The following ANKS1B variants were observed in gnomAD, a reference collection of about 807,000 sequenced individuals.
The protein encoded by ANKS1B is ankyrin repeat and sterile alpha motif domain-containing protein 1B.
Under a neutral mutation model 148.3 loss-of-function variants are expected in ANKS1B, and 36 were observed. The ratio of observed to expected loss-of-function variants is 0.24; its 90% CI spans 0.19 to 0.32. The LOEUF is 0.32. ANKS1B is among the 10% of genes least tolerant of loss of function. The pLI, the probability that ANKS1B is intolerant of heterozygous loss-of-function variation, is 1.00. For synonymous variants in ANKS1B, 542 were observed against 560.8 expected (o/e 0.97, Z 0.47); for missense variants, 1,157 against 1,542.6 (o/e 0.75, Z 4.19).
intron 15 of ANKS1B, among the ~76,000 whole-genome samples, chr12:99,142,532 G>T (rs1194755697): frequency 6.6e-6 from 1 of 152,106 alleles, no homozygotes; most frequent in Middle Eastern, 3.2e-3. Context: ...CTCAGAGAGG[G>T]TAGAGAAGAA....
chr12:99,220,934 A>G (rs1420055182), intron 14 of ANKS1B, among the ~76,000 whole-genome samples: 1 of 152,232 alleles, frequency 6.6e-6, no homozygotes, highest in East Asian at 1.9e-4. Context: ...AAATTATAAT[A>G]AGATTCTTAT....
At chr12:99,488,552 T>A (rs1204133316) in intron 10 of ANKS1B, among the ~76,000 whole-genome samples, 2 of 152,216 alleles carry the variant, frequency 1.3e-5, no homozygotes, top group Admixed American at 1.3e-4. Context: ...CAAACCTCTA[T>A]CTTGCTTGTT....
At chr12:99,038,157 A>G (rs1181841287) in intron 17 of ANKS1B, among the ~76,000 whole-genome samples, 1 of 152,170 alleles carries the variant, frequency 6.6e-6, no homozygotes, top group Non-Finnish European at 1.5e-5. Context: ...AAATGCAGAG[A>G]AGAGCTGAAA....
In ANKS1B at chr12:98,772,543, G is replaced by A. The variant is rs147308097; in HGVS notation, c.3579+499C>T. On this transcript the variant is annotated intron_variant, in intron 25 of 26. Transcript: ENST00000683438. ...AGAGCAAAGCCATGTCTTACATGGC[G>A]GCAGGCAAGAGAGAGCTTGTGCAGG... Among the ~76,000 whole-genome samples the A allele has an allele frequency of 1.6e-3, 247 of 152,236 alleles. 2 individuals are homozygous for A. Among genetic ancestry groups the A allele is most frequent in the African/African-American group, 3.6e-3 (148 of 41,554 alleles).
chr12:99,483,551 G>A (rs1472962759), intron 10 of ANKS1B, among the ~76,000 whole-genome samples: 1 of 151,786 alleles, frequency 6.6e-6, no homozygotes, highest in Non-Finnish European at 1.5e-5. Context: ...TTAACCTTTT[G>A]GAAGTTTCAG....
chr12:99,560,068 T>G (rs1007025787), intron 9 of ANKS1B, among the ~76,000 whole-genome samples: 83 of 152,184 alleles, frequency 5.5e-4, no homozygotes, highest in Non-Finnish European at 2.8e-4. Context: ...TAAAACAGTA[T>G]GAAGCATTCA....
intron 17 of ANKS1B, among the ~76,000 whole-genome samples, chr12:98,838,727 G>A (rs969224867): frequency 6.6e-6 from 1 of 152,164 alleles, no homozygotes; most frequent in Non-Finnish European, 1.5e-5. Flanking sequence ...CAGCTCCTAT[G>A]CAAGTCTGTA....
intron 17 of ANKS1B, among the ~76,000 whole-genome samples, chr12:98,885,475 G>A (rs1022334546): frequency 3.3e-5 from 5 of 152,154 alleles, no homozygotes; most frequent in African/African-American, 7.2e-5. Flanking sequence ...TACTACTAAG[G>A]AGTAATAGGA....
intron 11 of ANKS1B, among the ~76,000 whole-genome samples, chr12:99,420,070 C>T (rs952800141): frequency 4.6e-5 from 7 of 152,040 alleles, no homozygotes; most frequent in African/African-American, 1.7e-4. Context: ...CTAAATCCTA[C>T]AAAAACTCCA....
chr12:98,852,691 G>A (rs746763979), intron 17 of ANKS1B, among the ~76,000 whole-genome samples: 6 of 152,124 alleles, frequency 3.9e-5, no homozygotes, highest in East Asian at 1.9e-4. Flanking sequence ...ACACATTAGC[G>A]AGGTGGCAGA....
intron 2 of ANKS1B, among the ~76,000 whole-genome samples, chr12:99,814,372 A>G (rs2068832267): frequency 6.6e-6 from 1 of 151,772 alleles, no homozygotes; most frequent in Admixed American, 6.6e-5. Context: ...AAAGCACTAT[A>G]CCAATAATAG....
At chr12:99,463,154 C>A (rs372938196) in intron 10 of ANKS1B, among the ~76,000 whole-genome samples, 50 of 152,204 alleles carry the variant, frequency 3.3e-4, no homozygotes, top group East Asian at 2.1e-3. Context: ...AGGCACTTCA[C>A]AAAAGAAAAG....
chr12:98,967,386 C>A (rs1199869635), intron 17 of ANKS1B, among the ~76,000 whole-genome samples: 1 of 152,036 alleles, frequency 6.6e-6, no homozygotes, highest in Non-Finnish European at 1.5e-5. Context: ...CCTCCACTAT[C>A]TTCTGTTATG....
chr12:99,280,621 C>G (rs1002374330), intron 12 of ANKS1B, among the ~76,000 whole-genome samples: 1 of 151,988 alleles, frequency 6.6e-6, no homozygotes, highest in Non-Finnish European at 1.5e-5. Context: ...ATTGCCCTCT[C>G]TAATATGGGT....
intron 10 of ANKS1B, among the ~76,000 whole-genome samples, chr12:99,500,339 G>C (rs572919433): frequency 6.6e-6 from 1 of 152,248 alleles, no homozygotes; most frequent in East Asian, 1.9e-4. Flanking sequence ...AATCCAGGCA[G>C]TAGTCAGGAG....
chr12:99,984,693 G>C lies in ANKS1B; in HGVS notation c.-456C>G, dbSNP rs2095753673. 1 of 152,294 alleles carries C rather than the reference G, an allele frequency of 6.6e-6. No individual in the cohort carries two copies. The highest frequency in any genetic ancestry group is 1.5e-5 in the Non-Finnish European group (1 of 67,910). 9.4% of individuals were successfully genotyped at this position (152,294 alleles called of 1,614,324 possible). A position where few individuals can be genotyped will look rare whatever the true frequency, so the allele number is the denominator to read the frequency against. On this transcript the variant is annotated 5_prime_UTR_variant, in exon 1 of 27. Transcript: ENST00000683438. ...TGGCAGCAGCGGCCCGCGCGCCCTC[G>C]CGCCCGACCCGGGCTCGCCTCGGCT...
intron 9 of ANKS1B, chr12:99,648,090 T>A: frequency 6.6e-7 from 1 of 1,520,766 alleles, no homozygotes; most frequent in Non-Finnish European, 8.8e-7. Flanking sequence ...CCTGCCAGAG[T>A]AGCCAAGGAA....
At chr12:99,611,235 A>C (rs2097899563) in intron 9 of ANKS1B, among the ~76,000 whole-genome samples, 1 of 152,168 alleles carries the variant, frequency 6.6e-6, no homozygotes. Context: ...GATATTTTTA[A>C]AAGTAAGAGT....
At chr12:98,914,419 C>G (rs1013984162) in intron 17 of ANKS1B, among the ~76,000 whole-genome samples, 4 of 152,174 alleles carry the variant, frequency 2.6e-5, no homozygotes, top group African/African-American at 7.2e-5. Context: ...GTCTAACACA[C>G]TTTCATATGC....
Sources: gnomAD v4.1 joint callset for allele counts (sites outside exome capture counted in the v4.1 genomes callset) on GRCh38, gnomAD v4.1.1 for gene constraint, MANE v1.5 for transcripts, NCBI Gene and HGNC (gene_info 2026-07-23, HGNC 2026-07-21) for gene names.